Variants in TNNI3K observed in about 807,000 individuals in gnomAD.
TNNI3K encodes TNNI3 interacting kinase.
In TNNI3K, 140 loss-of-function variants were observed where a neutral mutation model predicts 114.5. The observed-to-expected ratio is 1.22, with a 90% confidence interval of 1.07 to 1.41. The LOEUF (loss-of-function observed/expected upper bound fraction) is 1.41, where lower values mean the gene tolerates loss of function less well. Ranked by LOEUF, TNNI3K falls within the 40% of genes most tolerant of loss-of-function variation. The pLI is 0.00. For synonymous variants in TNNI3K, 347 were observed against 347.5 expected (o/e 1.00, Z 0.02); for missense variants, 1,125 against 1,007.6 (o/e 1.12, Z -1.58).
intron 5 of TNNI3K, among the ~76,000 whole-genome samples, chr1:74,272,923 C>CT (rs1449403993): frequency 2.0e-5 from 3 of 151,920 alleles, no homozygotes; most frequent in Non-Finnish European, 4.4e-5. Flanking sequence ...TTGTCACACT[C>CT]TATCAATTGT....
At chr1:74,334,577 G>GTA (rs1278196690) in intron 6 of TNNI3K, among the ~76,000 whole-genome samples, 2 of 152,086 alleles carry the variant, frequency 1.3e-5, no homozygotes, top group South Asian at 2.1e-4. Flanking sequence ...AAGTTCTTAA[G>GTA]TATATATATA....
At chr1:74,460,601 G>T (rs1180743563) in intron 20 of TNNI3K, among the ~76,000 whole-genome samples, 1 of 152,136 alleles carries the variant, frequency 6.6e-6, no homozygotes, top group African/African-American at 2.4e-5. Context: ...TTTGATTAAT[G>T]GGCTGACAAT....
chr1:74,353,999 C>T lies in TNNI3K; in HGVS notation c.1047C>T (p.Tyr349=). Reference sequence around the variant, plus strand: ...TTACAGGATTACACTCTGCTTGCTACCACGGTCACATTCGCCTGGTTCAGT... The same window carrying T: ...TTACAGGATTACACTCTGCTTGCTATCACGGTCACATTCGCCTGGTTCAGT... The part of the protein sequence containing the change: ...DGHTGLHSAC[Y]HGHIRLVQFL... Residue 349 remains tyrosine, a synonymous_variant, in exon 11 of 25, where the codon TAC becomes TAT. Transcript: ENST00000326637. The T allele has an allele frequency of 6.2e-7, 1 of 1,613,866 alleles. No homozygotes were observed. Among genetic ancestry groups the T allele is most frequent in the Non-Finnish European group, 8.5e-7 (1 of 1,179,922 alleles).
intron 23 of TNNI3K, among the ~76,000 whole-genome samples, chr1:74,499,451 G>C (rs536153617): frequency 2.2e-4 from 34 of 152,248 alleles, no homozygotes; most frequent in African/African-American, 7.7e-4. Context: ...TTTTATTAAA[G>C]TATGTTGTTG....
chr1:74,315,923 C>A (rs373390531), intron 5 of TNNI3K, among the ~76,000 whole-genome samples: 1 of 152,112 alleles, frequency 6.6e-6, no homozygotes, highest in East Asian at 1.9e-4. Flanking sequence ...CCACTATGCA[C>A]AAGGATATAG....
chr1:74,481,109 G>T, intron 21 of TNNI3K: 2 of 569,116 alleles, frequency 3.5e-6, no homozygotes, highest in Non-Finnish European at 3.1e-6. Flanking sequence ...AAATGAAAAT[G>T]ATTTTCTGAT....
At chr1:74,444,537 A>G (rs1415133664) in intron 20 of TNNI3K, among the ~76,000 whole-genome samples, 1 of 152,232 alleles carries the variant, frequency 6.6e-6, no homozygotes, top group African/African-American at 2.4e-5. Context: ...AAGAGAGGAC[A>G]CAAACAAATG....
At chr1:74,474,718 G>A (rs1668104560) in intron 21 of TNNI3K, among the ~76,000 whole-genome samples, 1 of 152,118 alleles carries the variant, frequency 6.6e-6, no homozygotes, top group Non-Finnish European at 1.5e-5. Flanking sequence ...GTGGGTAGAT[G>A]TCACGGCCAG....
chr1:74,412,155 G>T (rs1178687471), intron 17 of TNNI3K, among the ~76,000 whole-genome samples: 2 of 151,998 alleles, frequency 1.3e-5, no homozygotes, highest in African/African-American at 4.8e-5. Flanking sequence ...TGGGGAGCTG[G>T]GCTCTGATTT....
chr1:74,387,860 T>A (rs756893478), intron 17 of TNNI3K, among the ~76,000 whole-genome samples: 2 of 152,192 alleles, frequency 1.3e-5, no homozygotes, highest in African/African-American at 2.4e-5. Context: ...TAGTAGATAT[T>A]CAATAAATGT....
At chr1:74,512,973 C>A (rs1225533197) in intron 23 of TNNI3K, among the ~76,000 whole-genome samples, 1 of 152,210 alleles carries the variant, frequency 6.6e-6, no homozygotes, top group Non-Finnish European at 1.5e-5. Flanking sequence ...CTATAGACGA[C>A]TTTTGCCCTT....
At chr1:74,477,555 A>G (rs1280978359) in intron 21 of TNNI3K, among the ~76,000 whole-genome samples, 1 of 152,204 alleles carries the variant, frequency 6.6e-6, no homozygotes, top group African/African-American at 2.4e-5. Context: ...AAGGAACAAA[A>G]GGGCTAAGTT....
intron 21 of TNNI3K, among the ~76,000 whole-genome samples, chr1:74,479,009 T>G (rs1416871798): frequency 6.6e-6 from 1 of 152,242 alleles, no homozygotes; most frequent in Non-Finnish European, 1.5e-5. Context: ...CTGGTCTCCA[T>G]CTATTCTGAT....
intron 24 of TNNI3K, among the ~76,000 whole-genome samples, chr1:74,542,610 G>A (rs1646739611): frequency 6.6e-6 from 1 of 152,110 alleles, no homozygotes; most frequent in African/African-American, 2.4e-5. Flanking sequence ...GAGTTTATGT[G>A]CTACCTAAGA....
intron 11 of TNNI3K, among the ~76,000 whole-genome samples, chr1:74,356,895 A>T (rs1434669243): frequency 6.6e-6 from 1 of 152,180 alleles, no homozygotes; most frequent in Non-Finnish European, 1.5e-5. Flanking sequence ...CATTATTACT[A>T]TGAATTTTAA....
intron 15 of TNNI3K, 30 bp downstream of exon 15, chr1:74,369,294 C>A: frequency 6.2e-7 from 1 of 1,610,656 alleles, no homozygotes; most frequent in Non-Finnish European, 8.5e-7. Context: ...AATTTAACAT[C>A]CAGGTGGAAT....
At chr1:74,468,067 T>C (rs932208229) in intron 21 of TNNI3K, 1 of 151,800 alleles carries the variant, frequency 6.6e-6, no homozygotes, top group Non-Finnish European at 1.5e-5. Flanking sequence ...GGAAACATCA[T>C]AAAGAGGTAA....
intron 5 of TNNI3K, among the ~76,000 whole-genome samples, chr1:74,328,858 A>T (rs369286689): frequency 6.6e-6 from 1 of 152,108 alleles, no homozygotes; most frequent in Non-Finnish European, 1.5e-5. Context: ...TTGCATAAAA[A>T]TTCATGCTGT....
At chr1:74,461,505 AC>A (rs1667455703) in intron 20 of TNNI3K, among the ~76,000 whole-genome samples, 1 of 151,096 alleles carries the variant, frequency 6.6e-6, no homozygotes. Flanking sequence ...AAAAAGAGTA[AC>A]CAGTGAAAGT....
Sources: gnomAD v4.1 joint callset for allele counts (sites outside exome capture counted in the v4.1 genomes callset) on GRCh38, gnomAD v4.1.1 for gene constraint, MANE v1.5 for transcripts, NCBI Gene and HGNC (gene_info 2026-07-23, HGNC 2026-07-21) for gene names.